SDC2: variants seen among roughly 807,000 people sequenced by gnomAD.
SDC2 encodes syndecan 2.
Under a neutral mutation model 22.2 loss-of-function variants are expected in SDC2, and 13 were observed. The ratio of observed to expected loss-of-function variants is 0.59; its 90% CI spans 0.38 to 0.93. The LOEUF is 0.93. SDC2 is among the 40% of genes least tolerant of loss of function. The pLI, the probability that SDC2 is intolerant of heterozygous loss-of-function variation, is 0.00. For missense variants in SDC2, 235 were observed against 246.8 expected (o/e 0.95, Z 0.32); for synonymous variants, 94 against 92.8 (o/e 1.01, Z -0.07).
intron 1 of SDC2, among the ~76,000 whole-genome samples, chr8:96,534,274 T>C (rs1258845436): frequency 6.6e-6 from 1 of 152,178 alleles, no homozygotes; most frequent in African/African-American, 2.4e-5. Context: ...AGTGGTGGGC[T>C]GAAGGGCCCA....
chr8:96,499,745 TC>T (rs1813131749), intron 1 of SDC2, among the ~76,000 whole-genome samples: 1 of 150,184 alleles, frequency 6.7e-6, no homozygotes, highest in Non-Finnish European at 1.5e-5. Flanking sequence ...TTTTTTTTCT[TC>T]CTTTCCTCTC....
At chr8:96,545,268 C>G (rs1470205842) in intron 1 of SDC2, among the ~76,000 whole-genome samples, 1 of 152,074 alleles carries the variant, frequency 6.6e-6, no homozygotes, top group Non-Finnish European at 1.5e-5. Context: ...TTTATGTAAC[C>G]TTCGGTTTTT....
intron 1 of SDC2, among the ~76,000 whole-genome samples, chr8:96,561,379 G>C (rs1284899412): frequency 1.3e-5 from 2 of 152,164 alleles, no homozygotes; most frequent in African/African-American, 4.8e-5. Context: ...AAAGCTGAGG[G>C]GAGGAAGAAC....
intron 1 of SDC2, among the ~76,000 whole-genome samples, chr8:96,516,959 C>T (rs1461717737): frequency 6.6e-6 from 1 of 152,076 alleles, no homozygotes; most frequent in Non-Finnish European, 1.5e-5. Flanking sequence ...AGTATATATA[C>T]CTACGAGTGG....
intron 1 of SDC2, 44 bp downstream of exon 1, chr8:96,494,375 T>A: frequency 6.5e-7 from 1 of 1,528,638 alleles, no homozygotes; most frequent in East Asian, 2.5e-5. Flanking sequence ...TTAGGGTGTT[T>A]GAAGCTACGA....
intron 1 of SDC2, among the ~76,000 whole-genome samples, chr8:96,507,372 A>G (rs1168692266): frequency 6.6e-6 from 1 of 152,222 alleles, no homozygotes; most frequent in Admixed American, 6.5e-5. Context: ...TGAAACATAC[A>G]TTTTACGTTA....
At chr8:96,499,518 A>G (rs1177819460) in intron 1 of SDC2, among the ~76,000 whole-genome samples, 1 of 152,226 alleles carries the variant, frequency 6.6e-6, no homozygotes, top group Non-Finnish European at 1.5e-5. Context: ...CTTAGAATAC[A>G]AAGGGCTTGG....
chr8:96,602,977 A>G (rs758566053), intron 3 of SDC2, among the ~76,000 whole-genome samples: 6 of 152,176 alleles, frequency 3.9e-5, no homozygotes, highest in Non-Finnish European at 8.8e-5. Context: ...TAGGCCGACC[A>G]TCAGTACTAT....
chr8:96,498,540 A>ACCACCACCTCACTGCAG (rs1813110371), intron 1 of SDC2, among the ~76,000 whole-genome samples: 1 of 151,682 alleles, frequency 6.6e-6, no homozygotes, highest in Non-Finnish European at 1.5e-5. Flanking sequence ...GCACTCTGCA[A>ACCACCACCTCACTGCAG]CCACCACCTC....
chr8:96,506,841 C>T (rs1219363448), intron 1 of SDC2, among the ~76,000 whole-genome samples: 5 of 152,076 alleles, frequency 3.3e-5, no homozygotes, highest in Admixed American at 2.6e-4. Context: ...GAAACTGTCT[C>T]TACTAAAAAT....
intron 1 of SDC2, among the ~76,000 whole-genome samples, chr8:96,531,857 A>T (rs1813666516): frequency 6.6e-6 from 1 of 152,222 alleles, no homozygotes; most frequent in East Asian, 1.9e-4. Context: ...CAAGATGTAC[A>T]TGGGAACATG....
intron 1 of SDC2, among the ~76,000 whole-genome samples, chr8:96,519,322 C>G (rs1394663195): frequency 6.6e-6 from 1 of 152,174 alleles, no homozygotes; most frequent in African/African-American, 2.4e-5. Context: ...CCTCAAATTT[C>G]AAAGTATTAG....
chr8:96,535,737 TC>T (rs1362181945), intron 1 of SDC2, among the ~76,000 whole-genome samples: 1 of 152,220 alleles, frequency 6.6e-6, no homozygotes, highest in Admixed American at 6.5e-5. Context: ...CACATGCTAT[TC>T]CACCTCCGTT....
chr8:96,507,033 ATAGC>A (rs1472138020), intron 1 of SDC2, among the ~76,000 whole-genome samples: 3 of 150,080 alleles, frequency 2.0e-5, no homozygotes, highest in Admixed American at 2.0e-4. Context: ...AAAAAAAAAG[ATAGC>A]TAAGTAATCA....
Position 96,611,040 on chromosome 8 carries a change from C to G in SDC2, c.*1492C>G, listed in dbSNP as rs1815166688. On this transcript the variant is annotated 3_prime_UTR_variant, in exon 5 of 5. Transcript: ENST00000302190. ...AGGCTTAGGCCTATAGATTGATTTA[C>G]CTTTGGAATTGTGCTCCAAATGTCT... The G allele has an allele frequency of 6.6e-6, 1 of 152,642 alleles. No individual in the cohort carries two copies. The highest frequency in any genetic ancestry group is 2.4e-5 in the African/African-American group (1 of 41,444). The allele number at this position is 152,642 out of a possible 1,614,324, so 9.5% of individuals were successfully genotyped here.
intron 1 of SDC2, among the ~76,000 whole-genome samples, chr8:96,568,409 G>A (rs1814335749): frequency 6.6e-6 from 1 of 152,248 alleles, no homozygotes; most frequent in Non-Finnish European, 1.5e-5. Flanking sequence ...CCAATCGACT[G>A]TCAGTTGCTT....
At chr8:96,500,616 C>A (rs914778848) in intron 1 of SDC2, among the ~76,000 whole-genome samples, 1 of 135,632 alleles carries the variant, frequency 7.4e-6, no homozygotes, top group African/African-American at 2.8e-5. Flanking sequence ...GAGCCGAGAT[C>A]ATGCCATGGC....
chr8:96,586,380 G>A (rs150524196), intron 1 of SDC2: 1 of 152,114 alleles, frequency 6.6e-6, no homozygotes, highest in Non-Finnish European at 1.5e-5. Context: ...ACCATATATT[G>A]GTTCCTAGAA....
intron 1 of SDC2, among the ~76,000 whole-genome samples, chr8:96,530,789 G>T (rs1365278325): frequency 2.1e-4 from 32 of 152,196 alleles, no homozygotes; most frequent in Non-Finnish European, 1.5e-5. Context: ...AAAGCACTGT[G>T]CCCTACATTG....
Sources: gnomAD v4.1 joint callset for allele counts (sites outside exome capture counted in the v4.1 genomes callset) on GRCh38, gnomAD v4.1.1 for gene constraint, MANE v1.5 for transcripts, NCBI Gene and HGNC (gene_info 2026-07-23, HGNC 2026-07-21) for gene names.